The following HS3ST3B1 variants were observed in gnomAD, a reference collection of about 807,000 sequenced individuals.
The protein encoded by HS3ST3B1 is heparan sulfate glucosamine 3-O-sulfotransferase 3B1.
HS3ST3B1 carries 13 observed loss-of-function variants against 21.3 expected under a neutral mutation model. The observed-to-expected ratio is 0.61, with a 90% CI of 0.40 to 0.97. HS3ST3B1 has a LOEUF of 0.97. Among genes scored for constraint, HS3ST3B1 ranks in the 50% least tolerant of loss-of-function variants. The pLI is 0.00. For missense variants in HS3ST3B1, 459 were observed against 554.8 expected (o/e 0.83, Z 1.73); for synonymous variants, 234 against 254.8 (o/e 0.92, Z 0.78).
rs542534895 is a variant in HS3ST3B1 at position 14,345,310 on chromosome 17, C to T, written c.837C>T (p.His279=). ...TCCAGATCGGCATCTACGCCAAGCA[C>T]CTGGAGCACTGGCTGCGCCACTTCC... is the stretch of plus-strand genomic sequence containing the variant. The part of the protein sequence containing the change: ...SAIQIGIYAK[H]LEHWLRHFPI... Residue 279 remains histidine, a synonymous_variant, in exon 2 of 2, where the codon CAC becomes CAT. Transcript: ENST00000360954. 1 of 1,095,860 alleles carries T rather than the reference C, an allele frequency of 9.1e-7. No individual in the cohort carries two copies. Among genetic ancestry groups the T allele is most frequent in the South Asian group, 1.5e-5 (1 of 68,478 alleles). 67.9% of individuals were successfully genotyped at this position (1,095,860 alleles called of 1,614,324 possible). A position where few individuals can be genotyped will look rare whatever the true frequency, so the allele number is the denominator to read the frequency against.
At chr17:14,329,555 A>G (rs1302712467) in intron 1 of HS3ST3B1, 2 of 151,456 alleles carry the variant, frequency 1.3e-5, no homozygotes, top group Non-Finnish European at 2.9e-5. Flanking sequence ...AAAGAAAAGG[A>G]AAGAAAAGAA....
chr17:14,340,083 C>T (rs919477312), intron 1 of HS3ST3B1, among the ~76,000 whole-genome samples: 12 of 152,088 alleles, frequency 7.9e-5, no homozygotes, highest in South Asian at 2.1e-4. Flanking sequence ...TGCCAGGAGC[C>T]GCTCACACAC....
chr17:14,348,689 ATTC>A lies in HS3ST3B1; in HGVS notation c.*3044_*3046del, dbSNP rs1270609938. 1 of 152,120 alleles carries A rather than the reference ATTC, an allele frequency of 6.6e-6. No homozygotes were observed. The highest frequency in any genetic ancestry group is 1.5e-5 in the Non-Finnish European group (1 of 68,030). 9.4% of individuals were successfully genotyped at this position (152,120 alleles called of 1,614,324 possible). On this transcript the variant is annotated 3_prime_UTR_variant, in exon 2 of 2. Transcript: ENST00000360954. ...TCCGATTTACACGAAAAGCTCTGAT[ATTC>A]ATTGGAGTACTTTATTTTTTTTCCT...
chr17:14,315,344 T>C (rs1909464592), intron 1 of HS3ST3B1, among the ~76,000 whole-genome samples: 1 of 152,208 alleles, frequency 6.6e-6, no homozygotes, highest in Non-Finnish European at 1.5e-5. Context: ...TGCCATACAA[T>C]TAGCAACACG....
chr17:14,336,345 A>G (rs1204712908), intron 1 of HS3ST3B1, among the ~76,000 whole-genome samples: 3 of 152,206 alleles, frequency 2.0e-5, no homozygotes, highest in African/African-American at 7.2e-5. Flanking sequence ...GAGGGATATC[A>G]CCCGAGGAAA....
At chr17:14,309,741 C>G (rs1486725877) in intron 1 of HS3ST3B1, among the ~76,000 whole-genome samples, 1 of 152,220 alleles carries the variant, frequency 6.6e-6, no homozygotes, top group East Asian at 1.9e-4. Context: ...CTCCTGTTTT[C>G]TGGAGCGGAG....
intron 1 of HS3ST3B1, among the ~76,000 whole-genome samples, chr17:14,314,481 C>T (rs1208039783): frequency 2.6e-5 from 4 of 152,220 alleles, no homozygotes; most frequent in Non-Finnish European, 5.9e-5. Context: ...AGGACAACCA[C>T]TATCTCACCT....
At chr17:14,330,857 C>A (rs1290004706) in intron 1 of HS3ST3B1, among the ~76,000 whole-genome samples, 1 of 151,978 alleles carries the variant, frequency 6.6e-6, no homozygotes, top group East Asian at 1.9e-4. Context: ...GGAGCCCCAC[C>A]GACCCAGAAA....
intron 1 of HS3ST3B1, among the ~76,000 whole-genome samples, chr17:14,344,412 G>C (rs749578169): frequency 6.6e-6 from 1 of 152,134 alleles, no homozygotes. Flanking sequence ...GAATTTCCTC[G>C]TGGCATGTTT....
chr17:14,310,472 C>A (rs909390202), intron 1 of HS3ST3B1, among the ~76,000 whole-genome samples: 1 of 152,192 alleles, frequency 6.6e-6, no homozygotes. Flanking sequence ...AAGAGGCAAC[C>A]TTTTTCCTCG....
In HS3ST3B1 at chr17:14,302,037, C is replaced by T. The variant is rs1475341036; in HGVS notation, c.519C>T (p.Phe173=). 2 of 1,607,302 alleles carry T rather than the reference C, an allele frequency of 1.2e-6. No individual in the cohort carries two copies. The highest frequency in any genetic ancestry group is 1.3e-5 in the African/African-American group (1 of 75,044). The change falls in exon 1 of 2, where the codon TTC becomes TTT. Residue 173 remains phenylalanine (F), a synonymous_variant. Coordinates refer to ENST00000360954, the MANE Select transcript of HS3ST3B1 (RefSeq NM_006041.3). The stretch of plus-strand genomic sequence containing the variant: ...CCGTGGGCGCCGAGCCCCATTTCTT[C>T]GATCGCAGCTACGACAAGGGCCTCG... ...VRAVGAEPHF[F]DRSYDKGLAW...
chr17:14,321,925 C>CATAT (rs147408597), intron 1 of HS3ST3B1, among the ~76,000 whole-genome samples: 1 of 150,944 alleles, frequency 6.6e-6, no homozygotes, highest in African/African-American at 2.4e-5. Flanking sequence ...ATTTTTCTCT[C>CATAT]ATATATATAT....
Position 14,345,811 on chromosome 17 carries a change from C to A in HS3ST3B1, c.*165C>A, listed in dbSNP as rs1910553444. 2.3e-6 allele frequency: 2 copies of A among 884,908 alleles called. No individual in the cohort carries two copies. Among genetic ancestry groups the A allele is most frequent in the Non-Finnish European group, 3.3e-6 (2 of 606,678 alleles). The allele number at this position is 884,908 out of a possible 1,614,324, so 54.8% of individuals were successfully genotyped here. On this transcript the variant is annotated 3_prime_UTR_variant, in exon 2 of 2. Coordinates refer to ENST00000360954, the MANE Select transcript of HS3ST3B1 (RefSeq NM_006041.3). The stretch of plus-strand genomic sequence containing the variant: ...CTCTTTAGAGAGTTAGCTTCATAAT[C>A]TGTTAACATTCCAAAGTGTTTAACT...
At chr17:14,309,275 A>G (rs1909228308) in intron 1 of HS3ST3B1, among the ~76,000 whole-genome samples, 1 of 152,176 alleles carries the variant, frequency 6.6e-6, no homozygotes, top group African/African-American at 2.4e-5. Context: ...GCTGAGCCGG[A>G]GACAGATGGC....
chr17:14,313,362 C>T (rs2142329710), intron 1 of HS3ST3B1, among the ~76,000 whole-genome samples: 1 of 151,668 alleles, frequency 6.6e-6, no homozygotes, highest in Admixed American at 6.6e-5. Flanking sequence ...GCTAGCCCTG[C>T]TAGTCACCAC....
At chr17:14,339,263 T>C (rs1910296298) in intron 1 of HS3ST3B1, among the ~76,000 whole-genome samples, 1 of 152,144 alleles carries the variant, frequency 6.6e-6, no homozygotes, top group Non-Finnish European at 1.5e-5. Context: ...CAGTTAACAA[T>C]GGGATCATGT....
At chr17:14,327,916 G>A (rs189431743) in intron 1 of HS3ST3B1, 1 of 152,254 alleles carries the variant, frequency 6.6e-6, no homozygotes, top group East Asian at 1.9e-4. Flanking sequence ...TTTTGGAAAT[G>A]GTCATTAGGC....
At chr17:14,306,923 TG>T (rs1438778136) in intron 1 of HS3ST3B1, among the ~76,000 whole-genome samples, 1 of 152,166 alleles carries the variant, frequency 6.6e-6, no homozygotes, top group African/African-American at 2.4e-5. Flanking sequence ...CAGTGGAGCA[TG>T]TGTTGAACTC....
chr17:14,337,045 C>G (rs923633327), intron 1 of HS3ST3B1, among the ~76,000 whole-genome samples: 4 of 152,108 alleles, frequency 2.6e-5, no homozygotes, highest in Non-Finnish European at 5.9e-5. Context: ...TCATTTGCAG[C>G]CACAAACTCT....
Sources: gnomAD v4.1 joint callset for allele counts (sites outside exome capture counted in the v4.1 genomes callset) on GRCh38, gnomAD v4.1.1 for gene constraint, MANE v1.5 for transcripts, NCBI Gene and HGNC (gene_info 2026-07-23, HGNC 2026-07-21) for gene names.